Variants in AK4 observed in about 807,000 individuals in gnomAD.
AK4 encodes adenylate kinase 4, also known as adenylate kinase 4, mitochondrial.
AK4 carries 13 observed loss-of-function variants against 24.6 expected under a neutral mutation model. The observed-to-expected ratio is 0.53, with a 90% CI of 0.34 to 0.84. The LOEUF is 0.84. Ranked by LOEUF, AK4 falls within the 40% of genes least tolerant of loss-of-function variation. The pLI, the probability that AK4 is intolerant of heterozygous loss-of-function variation, is 0.01. For synonymous variants in AK4, 88 were observed against 107.0 expected (o/e 0.82, Z 1.10); for missense variants, 192 against 288.2 (o/e 0.67, Z 2.42).
At chr1:65,164,583 C>T (rs970947828) in intron 1 of AK4, among the ~76,000 whole-genome samples, 1 of 152,154 alleles carries the variant, frequency 6.6e-6, no homozygotes, top group Non-Finnish European at 1.5e-5. Flanking sequence ...AAATTCCATT[C>T]AAATCCTTTG....
At chr1:65,189,560 G>A (rs1308717884) in intron 1 of AK4, among the ~76,000 whole-genome samples, 2 of 152,146 alleles carry the variant, frequency 1.3e-5, no homozygotes, top group African/African-American at 2.4e-5. Context: ...TTACAGGCAT[G>A]AGCCACTGCG....
intron 2 of AK4, among the ~76,000 whole-genome samples, chr1:65,218,540 A>G (rs1429199179): frequency 6.6e-6 from 1 of 152,188 alleles, no homozygotes; most frequent in African/African-American, 2.4e-5. Flanking sequence ...AATAATTTCA[A>G]CTTTTAGATT....
rs557109533 is a variant in AK4 at position 65,230,028 on chromosome 1, T to G, written c.*3851T>G. On this transcript the variant is annotated 3_prime_UTR_variant, in exon 5 of 5. Transcript: ENST00000327299. ...GTACCATTGTCTATTCCATTACACA[T>G]TAACATGACTCTGAATGCCAGATCC... 3.3e-4 allele frequency: 50 copies of G among 152,226 alleles called. No individual in the cohort carries two copies. The highest frequency in any genetic ancestry group is 9.2e-4 in the Admixed American group (14 of 15,280). The allele number at this position is 152,226 out of a possible 1,614,324, so 9.4% of individuals were successfully genotyped here. A position where few individuals can be genotyped will look rare whatever the true frequency, so the allele number is the denominator to read the frequency against.
rs149026313 is a variant in AK4 at position 65,225,961 on chromosome 1, T to A, written c.558-102T>A. 1.5e-3 allele frequency: 1,816 copies of A among 1,226,534 alleles called. 26 individuals are homozygous for A. In the African/African-American group the frequency reaches 0.024, roughly 16 times the overall value. 76.0% of individuals were successfully genotyped at this position (1,226,534 alleles called of 1,614,324 possible). On this transcript the variant is annotated intron_variant, in intron 4 of 4. Coordinates refer to ENST00000327299, the MANE Select transcript of AK4 (RefSeq NM_013410.4). ...TTTTAGCACTTAGTGTGGTATATGATATAGACCATGAGATCATGCTTGTTT... is the reference window on the plus strand; with the variant it reads ...TTTTAGCACTTAGTGTGGTATATGAAATAGACCATGAGATCATGCTTGTTT...
chr1:65,158,775 G>A (rs889363651), intron 1 of AK4, among the ~76,000 whole-genome samples: 49 of 152,048 alleles, frequency 3.2e-4, no homozygotes, highest in African/African-American at 1.1e-3. Context: ...CCAAAGTGCT[G>A]GGATTACAGG....
chr1:65,162,140 A>G (rs957398472), intron 1 of AK4, among the ~76,000 whole-genome samples: 2 of 152,174 alleles, frequency 1.3e-5, no homozygotes, highest in South Asian at 4.1e-4. Flanking sequence ...AGTCCCAGCT[A>G]CTGGGAGGCT....
At chr1:65,180,442 C>A (rs958810820) in intron 1 of AK4, among the ~76,000 whole-genome samples, 9 of 152,284 alleles carry the variant, frequency 5.9e-5, no homozygotes, top group Admixed American at 2.0e-4. Context: ...AAGCTTTGAA[C>A]AAATACCAAT....
At chr1:65,190,459 G>C (rs1449330234) in intron 1 of AK4, among the ~76,000 whole-genome samples, 1 of 129,678 alleles carries the variant, frequency 7.7e-6, no homozygotes, top group Admixed American at 7.6e-5. Flanking sequence ...TGGGGGGGGG[G>C]CGGGAGGAGG....
At chr1:65,190,582 T>C in intron 1 of AK4, 128 bp from the exon 2 acceptor site, 5 of 1,066,976 alleles carry the variant, frequency 4.7e-6, no homozygotes, top group Non-Finnish European at 5.3e-6. Context: ...ACTTAAAACA[T>C]GTCTACAACT....
chr1:65,188,410 A>G (rs566823505), intron 1 of AK4, among the ~76,000 whole-genome samples: 9 of 152,162 alleles, frequency 5.9e-5, no homozygotes, highest in Non-Finnish European at 1.0e-4. Flanking sequence ...ATAAAAATAA[A>G]AGAAAGTGGG....
In AK4 at chr1:65,224,315, T is replaced by C. The variant is rs369941431; in HGVS notation, c.439-437T>C. The stretch of plus-strand genomic sequence containing the variant: ...TGGTACTGAACCGTATTCTCCTAGA[T>C]TAGTATTTTTCCTAAGTAAGCCAAG... On this transcript the variant is annotated intron_variant, in intron 3 of 4. Transcript: ENST00000327299. Among the ~76,000 whole-genome samples, 49 of 152,324 alleles carry C rather than the reference T, an allele frequency of 3.2e-4. No homozygotes were observed. The East Asian group carries it at 8.1e-3, about 25-fold the overall frequency.
At chr1:65,159,193 T>C (rs944683662) in intron 1 of AK4, among the ~76,000 whole-genome samples, 1 of 152,218 alleles carries the variant, frequency 6.6e-6, no homozygotes, top group Admixed American at 6.5e-5. Context: ...ACCCTGGCAT[T>C]TTATAATTCT....
Position 65,148,285 on chromosome 1 carries a change from C to T in AK4, c.-123C>T. 2.2e-6 allele frequency: 3 copies of T among 1,340,568 alleles called. No individual in the cohort carries two copies. Among genetic ancestry groups the T allele is most frequent in the African/African-American group, 1.6e-5 (1 of 62,960 alleles). 83.0% of individuals were successfully genotyped at this position (1,340,568 alleles called of 1,614,324 possible). Reference sequence around the variant, plus strand: ...CTCTCCTTCCCCCTGTAGGGGCGGCCGGCGAGTCCCAGTGAGAGCGGAGGG... The same window carrying T: ...CTCTCCTTCCCCCTGTAGGGGCGGCTGGCGAGTCCCAGTGAGAGCGGAGGG... On this transcript the variant is annotated 5_prime_UTR_variant, in exon 1 of 5. Transcript: ENST00000327299.
intron 1 of AK4, among the ~76,000 whole-genome samples, chr1:65,162,023 G>T (rs1650184720): frequency 6.6e-6 from 1 of 152,036 alleles, no homozygotes; most frequent in African/African-American, 2.4e-5. Context: ...CGAGGCAGAA[G>T]GATTGCTTGA....
chr1:65,212,299 AT>A (rs1242667461), intron 2 of AK4, among the ~76,000 whole-genome samples: 1 of 151,262 alleles, frequency 6.6e-6, no homozygotes, highest in Non-Finnish European at 1.5e-5. Flanking sequence ...ACATTTTAGG[AT>A]TCTTTTTTTT....
chr1:65,172,852 G>A lies in AK4; in HGVS notation c.146-17858G>A, dbSNP rs771351415. The stretch of plus-strand genomic sequence containing the variant: ...ACTTCTGGGCCATCTTGGCCAGCAA[G>A]AGATTTTTTTTTTTTTTTTTTTTTT... On this transcript the variant is annotated intron_variant, in intron 1 of 4. Coordinates refer to ENST00000327299, the MANE Select transcript of AK4 (RefSeq NM_013410.4). Among the ~76,000 whole-genome samples, 657 of 142,718 alleles carry A rather than the reference G, an allele frequency of 4.6e-3. 7 individuals are homozygous for A. Among genetic ancestry groups the A allele is most frequent in the African/African-American group, 0.016 (621 of 38,450 alleles). 93.6% of individuals were successfully genotyped at this position (142,718 alleles called of 152,430 possible). A position where few individuals can be genotyped will look rare whatever the true frequency, so the allele number is the denominator to read the frequency against.
intron 1 of AK4, among the ~76,000 whole-genome samples, chr1:65,172,484 G>A (rs1334754539): frequency 1.3e-5 from 2 of 152,108 alleles, no homozygotes; most frequent in Non-Finnish European, 2.9e-5. Flanking sequence ...ATCTGGTGGA[G>A]CATTCAATTT....
intron 1 of AK4, among the ~76,000 whole-genome samples, chr1:65,162,744 A>G (rs1337269977): frequency 6.6e-6 from 1 of 152,060 alleles, no homozygotes; most frequent in African/African-American, 2.4e-5. Flanking sequence ...GATCACCACT[A>G]TCTAATTTCA....
At chr1:65,178,248 C>T (rs183820135) in intron 1 of AK4, among the ~76,000 whole-genome samples, 2 of 152,274 alleles carry the variant, frequency 1.3e-5, no homozygotes, top group East Asian at 3.9e-4. Flanking sequence ...GTCTGTTCCA[C>T]TGGAGGAGTG....
Sources: allele counts gnomAD v4.1 joint callset (sites outside exome capture counted in the v4.1 genomes callset), GRCh38; gene constraint gnomAD v4.1.1; transcripts MANE v1.5; gene names NCBI Gene and HGNC (gene_info 2026-07-23, HGNC 2026-07-21).